The following UGT1A9 variants were observed in gnomAD, a reference collection of about 807,000 sequenced individuals.
The protein encoded by UGT1A9 is UDP-glucuronosyltransferase 1A9.
Under a neutral mutation model 45.0 loss-of-function variants are expected in UGT1A9, and 35 were observed. That is an observed-to-expected ratio of 0.78 (90% CI 0.59 to 1.03). The LOEUF is 1.03. Ranked by LOEUF, UGT1A9 falls within the 50% of genes least tolerant of loss-of-function variation. UGT1A9 has a pLI of 0.00. For missense variants in UGT1A9, 687 were observed against 666.6 expected (o/e 1.03, Z -0.34); for synonymous variants, 278 against 250.6 (o/e 1.11, Z -1.03).
chr2:233,680,683 G>A (rs2074494479), intron 1 of UGT1A9, among the ~76,000 whole-genome samples: 1 of 151,932 alleles, frequency 6.6e-6, no homozygotes, highest in Admixed American at 6.5e-5. Context: ...TGTGGAAGGA[G>A]GATGAAAACA....
chr2:233,729,495 C>T, intron 1 of UGT1A9: 1 of 1,614,190 alleles, frequency 6.2e-7, no homozygotes, highest in Non-Finnish European at 8.5e-7. Flanking sequence ...TGTCTTTGGT[C>T]TATCATAGGT....
At chr2:233,719,297 G>A (rs45467894) in intron 1 of UGT1A9, 296 of 1,613,968 alleles carry the variant, frequency 1.8e-4, no homozygotes, top group African/African-American at 1.8e-3. Context: ...TCTGTGGGGC[G>A]GTGCTGGCTA....
rs751560477 is a variant in UGT1A9 at position 233,754,882 on chromosome 2, G to T, written c.856-12152G>T. 3 of 1,352,084 alleles carry T rather than the reference G, an allele frequency of 2.2e-6. No homozygotes were observed. The African/African-American group carries it at 4.4e-5, about 20-fold the overall frequency. The allele number at this position is 1,352,084 out of a possible 1,614,324, so 83.8% of individuals were successfully genotyped here. On this transcript the variant is annotated intron_variant, in intron 1 of 4. Transcript: ENST00000354728. ...GCAGACCCTCTGCTTCTGCTTCCCA[G>T]GGAGTTCCTCTGACCCCCCAAAATA...
At chr2:233,694,104 A>G (rs760831319) in intron 1 of UGT1A9, among the ~76,000 whole-genome samples, 1 of 152,150 alleles carries the variant, frequency 6.6e-6, no homozygotes, top group Non-Finnish European at 1.5e-5. Flanking sequence ...GCTTAGTTGG[A>G]TAATCTGGGA....
chr2:233,678,848 T>C (rs1367191692), intron 1 of UGT1A9, among the ~76,000 whole-genome samples: 1 of 152,224 alleles, frequency 6.6e-6, no homozygotes. Context: ...CCCCAACATT[T>C]TGTTGCTGTA....
chr2:233,680,053 A>T (rs1247951013), intron 1 of UGT1A9, among the ~76,000 whole-genome samples: 9 of 149,908 alleles, frequency 6.0e-5, no homozygotes, highest in Non-Finnish European at 1.2e-4. Flanking sequence ...TTTCTTTTGC[A>T]ATGGTCCTTA....
At chr2:233,702,755 A>G (rs1175807851) in intron 1 of UGT1A9, among the ~76,000 whole-genome samples, 2 of 152,122 alleles carry the variant, frequency 1.3e-5, no homozygotes, top group Non-Finnish European at 2.9e-5. Flanking sequence ...TATTCTAGTG[A>G]TATGTGTTAA....
At chr2:233,718,650 G>C (rs762582073) in intron 1 of UGT1A9, 2 of 1,506,594 alleles carry the variant, frequency 1.3e-6, no homozygotes, top group Non-Finnish European at 1.8e-6. Context: ...GGCCCATAAC[G>C]AAAGGCAGTT....
At chr2:233,762,404 G>A (rs1193458401) in intron 1 of UGT1A9, among the ~76,000 whole-genome samples, 1 of 152,070 alleles carries the variant, frequency 6.6e-6, no homozygotes, top group Non-Finnish European at 1.5e-5. Flanking sequence ...AAATTTTTTG[G>A]TTGCTTTTTC....
chr2:233,761,143 C>T, intron 1 of UGT1A9: 1 of 1,614,232 alleles, frequency 6.2e-7, no homozygotes, highest in Non-Finnish European at 8.5e-7. Flanking sequence ...CCAAAATCCA[C>T]TATCCCAGGT....
intron 1 of UGT1A9, among the ~76,000 whole-genome samples, chr2:233,719,871 A>G (rs2076809902): frequency 6.6e-6 from 1 of 152,230 alleles, no homozygotes; most frequent in African/African-American, 2.4e-5. Context: ...TGAGAGGAAG[A>G]AGAGGCACGG....
At position 233,769,512 on chromosome 2, in the gene UGT1A9, C is replaced by T; in HGVS notation, c.1295+1073C>T. ...TTATGAGAGTGTCCATTGCTTTCTCCCATGGTTACCTCCTTTAGAAAGAAG... is the reference window on the plus strand; with the variant it reads ...TTATGAGAGTGTCCATTGCTTTCTCTCATGGTTACCTCCTTTAGAAAGAAG... On this transcript the variant is annotated intron_variant, in intron 4 of 4. Transcript: ENST00000354728. This position sits in a 1 kb window ranked among gnomAD's most constrained non-coding sequence, Gnocchi z 4.4. 1 of 1,612,734 alleles carries T rather than the reference C, an allele frequency of 6.2e-7. No homozygotes were observed. The highest frequency in any genetic ancestry group is 8.5e-7 in the Non-Finnish European group (1 of 1,179,852).
At position 233,674,775 on chromosome 2, in the gene UGT1A9, C is replaced by T. The variant is rs145036130; in HGVS notation, c.855+1986C>T. ...TTTATGACTATACGTGTAAAGCCAG[C>T]GGAGTTCTCACAGAGGAATTCAGAA... On this transcript the variant is annotated intron_variant, in intron 1 of 4. Transcript: ENST00000354728. Among the ~76,000 whole-genome samples the T allele has an allele frequency of 7.2e-5, 11 of 152,244 alleles. No individual in the cohort carries two copies. In the East Asian group the frequency reaches 9.6e-4, roughly 13 times the overall value.
At chr2:233,717,097 A>C (rs1035812992) in intron 1 of UGT1A9, among the ~76,000 whole-genome samples, 3 of 152,144 alleles carry the variant, frequency 2.0e-5, no homozygotes, top group Non-Finnish European at 4.4e-5. Flanking sequence ...TGACATCACT[A>C]TCTAAATAAA....
chr2:233,726,656 T>G (rs1331581430), intron 1 of UGT1A9, among the ~76,000 whole-genome samples: 1 of 152,184 alleles, frequency 6.6e-6, no homozygotes, highest in Non-Finnish European at 1.5e-5. Flanking sequence ...ACTCTTAATT[T>G]AATCATATCT....
chr2:233,750,666 G>A (rs931346002), intron 1 of UGT1A9: 3 of 149,178 alleles, frequency 2.0e-5, no homozygotes, highest in Non-Finnish European at 2.9e-5. Flanking sequence ...GGTGCCCTGT[G>A]TCCCAGTGGC....
chr2:233,730,126 G>T, intron 1 of UGT1A9: 1 of 1,542,516 alleles, frequency 6.5e-7, no homozygotes, highest in Non-Finnish European at 8.7e-7. Flanking sequence ...TGTCATAATA[G>T]CCTTCAGTGA....
intron 1 of UGT1A9, among the ~76,000 whole-genome samples, chr2:233,707,521 GTTTTTC>G (rs2075966765): frequency 7.5e-6 from 1 of 134,020 alleles, no homozygotes; most frequent in Non-Finnish European, 1.6e-5. Context: ...GAATTTTACT[GTTTTTC>G]TTTGTCTTGC....
chr2:233,682,911 A>G, intron 1 of UGT1A9: 2 of 1,495,816 alleles, frequency 1.3e-6, no homozygotes, highest in Non-Finnish European at 1.8e-6. Flanking sequence ...TTCTGGTTTA[A>G]GGAATTCTTT....
Sources: gnomAD v4.1 joint callset for allele counts (sites outside exome capture counted in the v4.1 genomes callset) on GRCh38, gnomAD v4.1.1 for gene constraint, Gnocchi (gnomAD v3.1) non-coding constraint, MANE v1.5 for transcripts, NCBI Gene and HGNC (gene_info 2026-07-23, HGNC 2026-07-21) for gene names.